CAPZA2: variants seen among roughly 807,000 people sequenced by gnomAD.
CAPZA2 encodes the protein F-actin-capping protein subunit alpha-2.
In CAPZA2, 13 loss-of-function variants were observed where a neutral mutation model predicts 44.0. The observed-to-expected ratio is 0.30, with a 90% CI of 0.19 to 0.47. The LOEUF (loss-of-function observed/expected upper bound fraction) is 0.47. CAPZA2 is among the 20% of genes least tolerant of loss of function. The pLI is 1.00. For missense variants in CAPZA2, 244 were observed against 338.6 expected (o/e 0.72, Z 2.19); for synonymous variants, 94 against 108.2 (o/e 0.87, Z 0.81).
intron 6 of CAPZA2, chr7:116,906,563 G>GA: frequency 1.4e-6 from 1 of 691,078 alleles, no homozygotes; most frequent in Non-Finnish European, 2.1e-6. Flanking sequence ...AAGAGTATGG[G>GA]ACTAGCAAAC....
At chr7:116,910,812 T>C (rs1791581817) in intron 7 of CAPZA2, among the ~76,000 whole-genome samples, 1 of 152,080 alleles carries the variant, frequency 6.6e-6, no homozygotes. Flanking sequence ...AAGACCATCC[T>C]GGCTAACACA....
At chr7:116,915,998 T>G (rs1447177258) in intron 8 of CAPZA2, 62 bp from the exon 9 acceptor site, 2 of 1,126,896 alleles carry the variant, frequency 1.8e-6, no homozygotes, top group Non-Finnish European at 2.5e-6. Flanking sequence ...CATACATATA[T>G]TTTAAAATAA....
At chr7:116,915,352 A>G (rs1469263925) in intron 8 of CAPZA2, 1 of 152,020 alleles carries the variant, frequency 6.6e-6, no homozygotes, top group Non-Finnish European at 1.5e-5. Context: ...ACAAGAGTAC[A>G]GAGGGTACGG....
intron 1 of CAPZA2, among the ~76,000 whole-genome samples, chr7:116,872,576 CAT>C (rs757676821): frequency 6.6e-5 from 10 of 152,200 alleles, no homozygotes; most frequent in Non-Finnish European, 1.2e-4. Flanking sequence ...GACACACAGA[CAT>C]GTGATAGTGA....
chr7:116,915,455 G>A (rs1791667715), intron 8 of CAPZA2: 1 of 152,004 alleles, frequency 6.6e-6, no homozygotes, highest in South Asian at 2.1e-4. Context: ...ATCTTAGGAG[G>A]TTTTCATTGT....
chr7:116,866,012 T>C (rs2115861867), intron 1 of CAPZA2, among the ~76,000 whole-genome samples: 1 of 152,316 alleles, frequency 6.6e-6, no homozygotes, highest in East Asian at 1.9e-4. Context: ...TAGAAATCAA[T>C]CTAGAATAAT....
chr7:116,917,318 G>A (rs1460082482), intron 9 of CAPZA2, among the ~76,000 whole-genome samples: 4 of 152,080 alleles, frequency 2.6e-5, no homozygotes, highest in Admixed American at 6.6e-5. Context: ...GCAGTGGCGC[G>A]ATCTCGCCTC....
intron 1 of CAPZA2, among the ~76,000 whole-genome samples, chr7:116,879,754 G>A (rs1398683165): frequency 6.6e-6 from 1 of 152,100 alleles, no homozygotes; most frequent in Non-Finnish European, 1.5e-5. Context: ...GGGGTTTGGG[G>A]ACCCCTGATC....
intron 1 of CAPZA2, among the ~76,000 whole-genome samples, chr7:116,872,643 C>T (rs1171984005): frequency 6.6e-6 from 1 of 152,102 alleles, no homozygotes; most frequent in African/African-American, 2.4e-5. Flanking sequence ...TGGTTTTTTC[C>T]TCCGGTTTTA....
chr7:116,869,031 T>C (rs1208949260), intron 1 of CAPZA2, among the ~76,000 whole-genome samples: 1 of 152,306 alleles, frequency 6.6e-6, no homozygotes, highest in East Asian at 1.9e-4. Flanking sequence ...AATACAGATA[T>C]GAAAACACTT....
chr7:116,876,249 CAAAAA>C (rs34563707), intron 1 of CAPZA2: 3 of 89,170 alleles, frequency 3.4e-5, no homozygotes, highest in Non-Finnish European at 4.5e-5. Context: ...GACTCCATCT[CAAAAA>C]AAAAAAAAAA....
chr7:116,910,990 C>CAAA (rs57772383), intron 7 of CAPZA2, among the ~76,000 whole-genome samples: 99 of 50,008 alleles, frequency 2.0e-3, no homozygotes, highest in African/African-American at 2.4e-3. Flanking sequence ...GACTCCGTCT[C>CAAA]AAAAAAAAAA....
At chr7:116,913,532 G>A (rs573884919) in intron 8 of CAPZA2, among the ~76,000 whole-genome samples, 9 of 151,694 alleles carry the variant, frequency 5.9e-5, no homozygotes, top group South Asian at 4.2e-4. Context: ...TTTTGAACTT[G>A]GTTTTATTTC....
intron 1 of CAPZA2, among the ~76,000 whole-genome samples, chr7:116,866,718 A>G (rs1469660250): frequency 1.3e-5 from 2 of 152,218 alleles, no homozygotes; most frequent in Admixed American, 1.3e-4. Flanking sequence ...CCTTTACCTC[A>G]GTGATTACAA....
At position 116,917,699 on chromosome 7, in the gene CAPZA2, T is replaced by TTAA. The variant is rs1332982353; in HGVS notation, c.721-27_721-25dup. The TTAA allele has an allele frequency of 3.2e-6, 5 of 1,540,112 alleles. No individual in the cohort carries two copies. In the African/African-American group the frequency reaches 5.4e-5, roughly 17 times the overall value. On this transcript the variant is annotated intron_variant, in intron 9 of 9. Transcript: ENST00000361183. Reference sequence around the variant, plus strand: ...AAATTGTTCTGTTCTTTGCTTTACTTTAAACTTCTAACTATTGTTTTTCAT... The same window carrying TTAA: ...AAATTGTTCTGTTCTTTGCTTTACTTTAATAAACTTCTAACTATTGTTTTTCAT...
chr7:116,904,968 T>TGAAAAAAAAAAAAAAAAAAAAAAAAAA (rs1791470760), intron 5 of CAPZA2, among the ~76,000 whole-genome samples: 1 of 88,922 alleles, frequency 1.1e-5, no homozygotes. Context: ...CTGTCTCTAC[T>TGAAAAAAAAAAAAAAAAAAAAAAAAAA]TAAAAAAAAA....
At chr7:116,886,179 T>A (rs886603817) in intron 1 of CAPZA2, 2 of 154,852 alleles carry the variant, frequency 1.3e-5, no homozygotes, top group East Asian at 3.8e-4. Flanking sequence ...CCAAAAATTC[T>A]ATGAGCTAGT....
intron 4 of CAPZA2, among the ~76,000 whole-genome samples, chr7:116,900,636 G>T (rs1027170490): frequency 2.0e-5 from 3 of 151,694 alleles, no homozygotes; most frequent in Admixed American, 2.0e-4. Flanking sequence ...AAATAGTGAC[G>T]GTCTTCTCAA....
intron 4 of CAPZA2, among the ~76,000 whole-genome samples, chr7:116,899,789 A>G (rs1307989906): frequency 6.6e-6 from 1 of 151,436 alleles, no homozygotes; most frequent in South Asian, 2.1e-4. Flanking sequence ...TAAAAATGTT[A>G]GATAGCCTCC....
Sources: allele counts gnomAD v4.1 joint callset (sites outside exome capture counted in the v4.1 genomes callset), GRCh38; gene constraint gnomAD v4.1.1; transcripts MANE v1.5; gene names NCBI Gene and HGNC (gene_info 2026-07-23, HGNC 2026-07-21).